Variants in DNAH1 observed in about 807,000 individuals in gnomAD.
The protein encoded by DNAH1 is dynein axonemal heavy chain 1, also known as axonemal beta dynein heavy chain 1.
A neutral mutation model predicts 484.3 loss-of-function variants in DNAH1; 327 were observed. That is an observed-to-expected ratio of 0.68 (90% CI 0.62 to 0.74). The LOEUF (loss-of-function observed/expected upper bound fraction) is 0.74, where lower values mean the gene tolerates loss of function less well. Among genes scored for constraint, DNAH1 ranks in the 30% least tolerant of loss-of-function variants. The pLI, the probability that DNAH1 is intolerant of heterozygous loss-of-function variation, is 0.00. For missense variants in DNAH1, 5,052 were observed against 5,546.8 expected (o/e 0.91, Z 2.83); for synonymous variants, 2,192 against 2,191.9 (o/e 1.00, Z 0.00).
chr3:52,328,447 C>G (rs527640294), intron 6 of DNAH1, among the ~76,000 whole-genome samples: 13 of 152,154 alleles, frequency 8.5e-5, no homozygotes, highest in Non-Finnish European at 1.6e-4. Flanking sequence ...AAATCCCCAT[C>G]ATCACACACA....
At chr3:52,331,619 C>CTTTTTTTTTTTTTTT (rs36097098) in intron 7 of DNAH1, among the ~76,000 whole-genome samples, 1 of 111,374 alleles carries the variant, frequency 9.0e-6, no homozygotes, top group Non-Finnish European at 1.9e-5. Flanking sequence ...AAATACTTTT[C>CTTTTTTTTTTTTTTT]TTTTTTTTTT....
intron 11 of DNAH1, among the ~76,000 whole-genome samples, chr3:52,347,468 T>A (rs1425856423): frequency 6.6e-6 from 1 of 152,146 alleles, no homozygotes; most frequent in African/African-American, 2.4e-5. Flanking sequence ...GGGTTCCAGC[T>A]GGGATCCAGG....
intron 1 of DNAH1, among the ~76,000 whole-genome samples, chr3:52,319,412 CT>C (rs898430884): frequency 6.6e-6 from 1 of 152,250 alleles, no homozygotes; most frequent in Non-Finnish European, 1.5e-5. Context: ...CTTCTCTGAG[CT>C]TCATTTTCCT....
intron 50 of DNAH1, 24 bp downstream of exon 50, chr3:52,382,479 A>G (rs757789429): frequency 3.7e-6 from 6 of 1,612,356 alleles, no homozygotes; most frequent in Non-Finnish European, 5.1e-6. Context: ...AGCAGAGGGC[A>G]GGGCTCGGGG....
In DNAH1 at chr3:52,323,870, C is replaced by A; in HGVS notation, c.396C>A (p.Phe132Leu). The change falls in exon 3 of 78, where the codon TTC (phenylalanine) becomes TTA (leucine). Residue 132 changes from phenylalanine (F) to leucine (L), a missense_variant. Transcript: ENST00000420323. ...NLLRQADLDK[F>L]TPRVGSFEVP... ...TGCGGCAGGCTGACCTTGACAAGTTCACCCCAAGAGGTCAGTGCTCAGGAG... is the reference window on the plus strand; with the variant it reads ...TGCGGCAGGCTGACCTTGACAAGTTAACCCCAAGAGGTCAGTGCTCAGGAG... 1 of 1,576,258 alleles carries A rather than the reference C, an allele frequency of 6.3e-7. No individual in the cohort carries two copies. Among genetic ancestry groups the A allele is most frequent in the East Asian group, 2.3e-5 (1 of 42,612 alleles).
Position 52,398,167 on chromosome 3 carries a change from T to TC in DNAH1, c.12089+6dup. On this transcript the variant is annotated splice_donor_region_variant and intron_variant, in intron 75 of 77. Coordinates refer to ENST00000420323, the MANE Select transcript of DNAH1 (RefSeq NM_015512.5). ...ACTAGTACAAGAGGTCATTAGGTAA[T>TC]CACCCCGCCATACCCCTGCCCCGAG... The TC allele has an allele frequency of 6.4e-7, 1 of 1,563,074 alleles. No homozygotes were observed. Among genetic ancestry groups the TC allele is most frequent in the East Asian group, 2.3e-5 (1 of 44,228 alleles).
In DNAH1 at chr3:52,353,422, A is replaced by G. The variant is rs1317875482; in HGVS notation, c.3269A>G (p.Glu1090Gly). 1.2e-6 allele frequency: 2 copies of G among 1,613,672 alleles called. No homozygotes were observed. Among genetic ancestry groups the G allele is most frequent in the Non-Finnish European group, 1.7e-6 (2 of 1,179,788 alleles). The part of the protein sequence containing the change: ...VALDIRARIE[E>G]FKPYIPLIQG... Reference sequence around the variant, plus strand: ...TTGGACATCCGGGCCCGCATCGAGGAGTTCAAACCATACATCCCACTGATC... The same window carrying G: ...TTGGACATCCGGGCCCGCATCGAGGGGTTCAAACCATACATCCCACTGATC... Residue 1090 changes from glutamate (E) to glycine (G), a missense_variant, in exon 20 of 78, where the codon GAG becomes GGG. This residue lies in a region of DNAH1 where 2,929 missense variants were observed against 3,409.4 expected (regional missense o/e 0.86). Coordinates refer to ENST00000420323, the MANE Select transcript of DNAH1 (RefSeq NM_015512.5). The surrounding 1 kb of genome is among the most constrained non-coding windows in gnomAD (Gnocchi z 5.0).
intron 15 of DNAH1, 116 bp from the exon 16 acceptor site, chr3:52,350,392 T>C (rs1702326404): frequency 1.8e-6 from 2 of 1,094,422 alleles, no homozygotes; most frequent in Admixed American, 2.0e-5. Flanking sequence ...GGCCCAGACC[T>C]CCCCATTCTG....
At position 52,358,829 on chromosome 3, in the gene DNAH1, GC is replaced by G; in HGVS notation, c.4266+93del. 6.7e-7 allele frequency: 1 copy of G among 1,501,726 alleles called. No homozygotes were observed. Among genetic ancestry groups the G allele is most frequent in the Non-Finnish European group, 9.0e-7 (1 of 1,107,620 alleles). 93.0% of individuals were successfully genotyped at this position (1,501,726 alleles called of 1,614,324 possible). A position where few individuals can be genotyped will look rare whatever the true frequency, so the allele number is the denominator to read the frequency against. ...CTGCTCTAGCCGGCCTCGTCCTCAG[GC>G]TGCAGCCCTGAGGTCCCTGGGGGCT... On this transcript the variant is annotated intron_variant, in intron 25 of 77. Coordinates refer to ENST00000420323, the MANE Select transcript of DNAH1 (RefSeq NM_015512.5). This position sits in a 1 kb window ranked among gnomAD's most constrained non-coding sequence, Gnocchi z 4.2.
intron 75 of DNAH1, 91 bp downstream of exon 75, chr3:52,398,253 C>G: frequency 2.1e-6 from 3 of 1,441,910 alleles, no homozygotes; most frequent in Non-Finnish European, 2.8e-6. Context: ...AGGTGCCATG[C>G]CAAGTGCTAC....
intron 25 of DNAH1, 90 bp from the exon 26 acceptor site, chr3:52,359,156 G>T (rs1456514330): frequency 6.0e-6 from 9 of 1,504,222 alleles, no homozygotes; most frequent in Non-Finnish European, 8.0e-6. Flanking sequence ...AGTCTGAAAG[G>T]CCAGAGCACA....
chr3:52,339,673 G>A (rs917093065), intron 8 of DNAH1, among the ~76,000 whole-genome samples: 2 of 152,022 alleles, frequency 1.3e-5, no homozygotes, highest in East Asian at 1.9e-4. Context: ...AAATGTAGAC[G>A]GTGTTCACCT....
At chr3:52,354,431 G>A (rs1448397330) in intron 20 of DNAH1, among the ~76,000 whole-genome samples, 18 of 152,146 alleles carry the variant, frequency 1.2e-4, no homozygotes, top group African/African-American at 4.1e-4. Context: ...TCAGGAGTTC[G>A]AGACCAGCCT....
chr3:52,399,267 G>A (rs750442932), intron 76 of DNAH1, 66 bp downstream of exon 76: 23 of 1,487,354 alleles, frequency 1.5e-5, no homozygotes, highest in Non-Finnish European at 1.8e-5. Context: ...GAGAGGCTCT[G>A]AGGCCACGGT....
At position 52,395,662 on chromosome 3, in the gene DNAH1, A is replaced by G; in HGVS notation, c.11243A>G (p.His3748Arg). Residue 3748 changes from histidine (H) to arginine (R), a missense_variant, in exon 70 of 78, where the codon CAC (histidine) becomes CGC (arginine). His to Arg is a conservative substitution (Grantham distance 29). Coordinates refer to ENST00000420323, the MANE Select transcript of DNAH1 (RefSeq NM_015512.5). The surrounding 1 kb of genome is among the most constrained non-coding windows in gnomAD (Gnocchi z 4.4). The part of the protein sequence containing the change: ...WMPALERLIE[H>R]INPDKVHRDF... ...CCAGCCCTAGAACGCCTCATCGAGC[A>G]CATCAACCCCGACAAGGTGTGTTGC... is the stretch of plus-strand genomic sequence containing the variant. The G allele has an allele frequency of 6.2e-7, 1 of 1,613,742 alleles. No individual in the cohort carries two copies. The highest frequency in any genetic ancestry group is 8.5e-7 in the Non-Finnish European group (1 of 1,179,852).
In DNAH1 at chr3:52,355,010, T is replaced by A; in HGVS notation, c.3648T>A (p.Phe1216Leu). 8 of 1,613,946 alleles carry A rather than the reference T, an allele frequency of 5.0e-6. No individual in the cohort carries two copies. Among genetic ancestry groups the A allele is most frequent in the Non-Finnish European group, 6.8e-6 (8 of 1,179,884 alleles). Residue 1216 changes from phenylalanine (F) to leucine (L), a missense_variant, in exon 21 of 78, where the codon TTT becomes TTA. By Grantham distance (22) the Phe-to-Leu change is conservative (BLOSUM62 0). Coordinates refer to ENST00000420323, the MANE Select transcript of DNAH1 (RefSeq NM_015512.5). The surrounding 1 kb of genome is among the most constrained non-coding windows in gnomAD (Gnocchi z 4.5). ...CATTTTCACCCTACAAGAAGCCCTT[T>A]GAGCAGCGCATCAACTCCTGGGAGA... The part of the protein sequence containing the change: ...NMSFSPYKKP[F>L]EQRINSWENK...
upstream of DNAH1, among the ~76,000 whole-genome samples, chr3:52,314,320 A>G (rs1239234320): frequency 6.6e-6 from 1 of 152,218 alleles, no homozygotes; most frequent in Non-Finnish European, 1.5e-5. Context: ...GCTTTGGCCC[A>G]GGAAGGTGGG....
At chr3:52,366,383 G>T (rs781282279) in intron 34 of DNAH1, 74 bp from the exon 35 acceptor site, 2 of 1,259,676 alleles carry the variant, frequency 1.6e-6, no homozygotes, top group East Asian at 2.6e-5. Flanking sequence ...CTCACCCAAG[G>T]TCACACAAGT....
rs1273112264 is a variant in DNAH1 at position 52,379,185 on chromosome 3, T to TG, written c.7377+411dup. On this transcript the variant is annotated intron_variant, in intron 47 of 77. Coordinates refer to ENST00000420323, the MANE Select transcript of DNAH1 (RefSeq NM_015512.5). The surrounding 1 kb of genome is among the most constrained non-coding windows in gnomAD (Gnocchi z 4.4). ...GGGTGGGTCCAGGCACTAGGCACGG[T>TG]GGGGGGCCAACATGGAGCTTAAATT... 2.6e-5 allele frequency among the ~76,000 whole-genome samples: 4 copies of TG among 151,528 alleles called. No homozygotes were observed. Among genetic ancestry groups the TG allele is most frequent in the African/African-American group, 7.3e-5 (3 of 41,176 alleles).
Sources: allele counts gnomAD v4.1 joint callset (sites outside exome capture counted in the v4.1 genomes callset), GRCh38; gene constraint gnomAD v4.1.1; regional missense constraint gnomAD v4.1.1; non-coding constraint Gnocchi (gnomAD v3.1); transcripts MANE v1.5; gene names NCBI Gene and HGNC (gene_info 2026-07-23, HGNC 2026-07-21).